TBC1D5: variants seen among roughly 807,000 people sequenced by gnomAD.
TBC1D5 encodes TBC1 domain family, member 5.
Under a neutral mutation model 100.3 loss-of-function variants are expected in TBC1D5, and 75 were observed. The ratio of observed to expected loss-of-function variants is 0.75; its 90% CI spans 0.62 to 0.91. The LOEUF is 0.91. Among genes scored for constraint, TBC1D5 ranks in the 40% least tolerant of loss-of-function variants. The pLI, the probability that TBC1D5 is intolerant of heterozygous loss-of-function variation, is 0.00. For missense variants in TBC1D5, 910 were observed against 942.4 expected, an observed-to-expected ratio of 0.97 and a Z score of 0.45; for synonymous variants, 323 against 325.6, an observed-to-expected ratio of 0.99 and a Z score of 0.09.
chr3:17,695,253 C>A (rs1407747237), intron 1 of TBC1D5, among the ~76,000 whole-genome samples: 2 of 152,136 alleles, frequency 1.3e-5, no homozygotes, highest in African/African-American at 4.8e-5. Flanking sequence ...ACAATATTAA[C>A]CTTAAATGTA....
At chr3:17,738,785 C>T (rs552610864) in intron 1 of TBC1D5, among the ~76,000 whole-genome samples, 1 of 152,186 alleles carries the variant, frequency 6.6e-6, no homozygotes, top group African/African-American at 2.4e-5. Context: ...TCCAAAAGAA[C>T]AAGAGAGAAT....
intron 1 of TBC1D5, among the ~76,000 whole-genome samples, chr3:17,666,667 C>G (rs2067291986): frequency 6.6e-6 from 1 of 151,984 alleles, no homozygotes; most frequent in Admixed American, 6.6e-5. Flanking sequence ...AGAATTGTTG[C>G]TCCATAAACT....
intron 3 of TBC1D5, among the ~76,000 whole-genome samples, chr3:17,459,076 ATATTT>A (rs2095149825): frequency 6.6e-6 from 1 of 152,240 alleles, no homozygotes; most frequent in Non-Finnish European, 1.5e-5. Flanking sequence ...GTTTAAAGAA[ATATTT>A]TAGTTTAACA....
chr3:17,259,854 T>G (rs1003320732), intron 15 of TBC1D5, among the ~76,000 whole-genome samples: 2 of 152,160 alleles, frequency 1.3e-5, no homozygotes, highest in Non-Finnish European at 2.9e-5. Context: ...CCCTTTCATA[T>G]CTCTTCCAAG....
chr3:17,287,515 T>C (rs1224285625), intron 15 of TBC1D5, among the ~76,000 whole-genome samples: 1 of 152,188 alleles, frequency 6.6e-6, no homozygotes, highest in Non-Finnish European at 1.5e-5. Flanking sequence ...CTAGCTAGCT[T>C]GGGAGCTTAT....
chr3:17,223,464 A>G (rs2074503335), intron 17 of TBC1D5, among the ~76,000 whole-genome samples: 1 of 152,226 alleles, frequency 6.6e-6, no homozygotes, highest in African/African-American at 2.4e-5. Context: ...ATGGTTATGT[A>G]TGAGAAAATG....
chr3:17,181,281 T>G (rs1474654498), intron 19 of TBC1D5, among the ~76,000 whole-genome samples: 2 of 152,192 alleles, frequency 1.3e-5, no homozygotes, highest in Non-Finnish European at 2.9e-5. Context: ...TAGTCCAGCT[T>G]TTCAACTAAC....
At chr3:17,340,790 T>G (rs1478519028) in intron 13 of TBC1D5, 1 of 152,170 alleles carries the variant, frequency 6.6e-6, no homozygotes, top group Non-Finnish European at 1.5e-5. Flanking sequence ...CTTGCAGGGA[T>G]CTAAAGAATT....
chr3:17,233,662 C>T, intron 17 of TBC1D5, 23 bp downstream of exon 18: 2 of 1,411,864 alleles, frequency 1.4e-6, no homozygotes, highest in Non-Finnish European at 1.9e-6. Context: ...AAAAGAAACA[C>T]TATGTTGTTA....
At chr3:17,278,062 G>C (rs1023872486) in intron 15 of TBC1D5, among the ~76,000 whole-genome samples, 2 of 152,178 alleles carry the variant, frequency 1.3e-5, no homozygotes, top group Admixed American at 1.3e-4. Flanking sequence ...TGACAACTAG[G>C]ATGTGATAGG....
intron 18 of TBC1D5, among the ~76,000 whole-genome samples, chr3:17,192,905 A>AT (rs1273487969): frequency 6.6e-6 from 1 of 152,216 alleles, no homozygotes; most frequent in African/African-American, 2.4e-5. Context: ...ATGGGTTTTC[A>AT]TAACAATCAC....
intron 1 of TBC1D5, among the ~76,000 whole-genome samples, chr3:17,695,369 G>A (rs142351623): frequency 0.017 from 2,529 of 152,086 alleles, 53 homozygotes; most frequent in South Asian, 0.05. Flanking sequence ...GTGCAATGAC[G>A]CACATAGGCT....
intron 2 of TBC1D5, among the ~76,000 whole-genome samples, chr3:17,595,785 C>T (rs573846547): frequency 1.1e-3 from 173 of 152,182 alleles, no homozygotes; most frequent in Non-Finnish European, 2.2e-3. Context: ...TGTGTAGTGT[C>T]AAGAGTCTGA....
intron 18 of TBC1D5, among the ~76,000 whole-genome samples, chr3:17,194,434 A>G (rs1461211445): frequency 6.6e-6 from 1 of 152,230 alleles, no homozygotes; most frequent in Non-Finnish European, 1.5e-5. Flanking sequence ...TATTCTATTT[A>G]GAGCTAATTC....
intron 18 of TBC1D5, among the ~76,000 whole-genome samples, chr3:17,187,626 T>C (rs2069300477): frequency 6.6e-6 from 1 of 152,220 alleles, no homozygotes; most frequent in African/African-American, 2.4e-5. Context: ...ACAGAAATAG[T>C]GGCAGAATGA....
rs954259814 is a variant in TBC1D5, at chr3:17,667,867, AT to A, written c.-100-43955del. ...AACCCTCTAACAACTGATTAGTCTG[AT>A]TTTTTTTTCAAACACTTATGAAATG... On this transcript the variant is annotated intron_variant, in intron 1 of 21. Transcript: ENST00000253692. Among the ~76,000 whole-genome samples, 3 of 150,850 alleles carry A rather than the reference AT, an allele frequency of 2.0e-5. 1 individual carries two copies. The highest frequency in any genetic ancestry group is 3.0e-5 in the Non-Finnish European group (2 of 67,646).
intron 1 of TBC1D5, among the ~76,000 whole-genome samples, chr3:17,731,163 A>C (rs2076521065): frequency 6.6e-6 from 1 of 152,100 alleles, no homozygotes; most frequent in South Asian, 2.1e-4. Context: ...GAATTTCAGT[A>C]TTTTTTACTT....
chr3:17,723,756 TAACC>T lies in TBC1D5; in HGVS notation c.-101+15583_-101+15586del, dbSNP rs147720621. ...TGTAGATACCAGTCTATTTATGTGT[TAACC>T]AACTGTTTATATTGTCGGTGGGGCT... is the stretch of plus-strand genomic sequence containing the variant. On this transcript the variant is annotated intron_variant, in intron 1 of 21. Coordinates refer to ENST00000253692, the Ensembl canonical transcript of TBC1D5. 3.5e-3 allele frequency among the ~76,000 whole-genome samples: 531 copies of T among 152,330 alleles called. 4 individuals carry two copies. The highest frequency in any genetic ancestry group is 0.012 in the African/African-American group (503 of 41,576).
chr3:17,362,716 C>T lies in TBC1D5; in HGVS notation c.995+9359G>A, dbSNP rs566765082. On this transcript the variant is annotated intron_variant, in intron 13 of 21. Transcript: ENST00000253692. Reference sequence around the variant, plus strand: ...TGAACTCTTGGCCTCAAGTGATCTGCCCGCCTCGGCCTGCCAAAGTGCTGG... The same window carrying T: ...TGAACTCTTGGCCTCAAGTGATCTGTCCGCCTCGGCCTGCCAAAGTGCTGG... Among the ~76,000 whole-genome samples the T allele has an allele frequency of 2.9e-3, 445 of 152,266 alleles. 5 individuals are homozygous for T. Among genetic ancestry groups the T allele is most frequent in the Non-Finnish European group, 2.8e-3 (189 of 68,022 alleles).
Sources: allele counts gnomAD v4.1 joint callset (sites outside exome capture counted in the v4.1 genomes callset), GRCh38; gene constraint gnomAD v4.1.1; transcripts MANE v1.5; gene names NCBI Gene and HGNC (gene_info 2026-07-23, HGNC 2026-07-21).